Variants in SLC1A3 observed in about 807,000 individuals in gnomAD.
The protein encoded by SLC1A3 is solute carrier family 1 member 3.
SLC1A3 carries 21 observed loss-of-function variants against 48.1 expected under a neutral mutation model. The observed-to-expected ratio is 0.44, with a 90% CI of 0.31 to 0.63. The LOEUF is 0.63. Ranked by LOEUF, SLC1A3 falls within the 20% of genes least tolerant of loss-of-function variation. The pLI is 0.08. For synonymous variants in SLC1A3, 239 were observed against 251.4 expected (o/e 0.95, Z 0.47); for missense variants, 546 against 689.0 (o/e 0.79, Z 2.32).
At chr5:36,642,239 C>T (rs1343209613) in intron 3 of SLC1A3, among the ~76,000 whole-genome samples, 1 of 152,174 alleles carries the variant, frequency 6.6e-6, no homozygotes, top group Non-Finnish European at 1.5e-5. Flanking sequence ...GCTAAATAAA[C>T]ATCTGAACTG....
rs963083752 is a variant in SLC1A3 at position 36,638,915 on chromosome 5, C to T, written c.319+9328C>T. Reference sequence around the variant, plus strand: ...ACTCCTGACCTTGTGATCCACCCGTCTCGGCCTCCCAAAGTGCTGGGATTA... The same window carrying T: ...ACTCCTGACCTTGTGATCCACCCGTTTCGGCCTCCCAAAGTGCTGGGATTA... On this transcript the variant is annotated intron_variant, in intron 3 of 9. Coordinates refer to ENST00000265113, the MANE Select transcript of SLC1A3 (RefSeq NM_004172.5). 3.3e-5 allele frequency: 5 copies of T among 152,326 alleles called. 1 individual carries two copies. The highest frequency in any genetic ancestry group is 1.2e-4 in the African/African-American group (5 of 41,558). The allele number at this position is 152,326 out of a possible 1,614,324, so 9.4% of individuals were successfully genotyped here.
chr5:36,663,530 C>T (rs907994598), intron 3 of SLC1A3, among the ~76,000 whole-genome samples: 3 of 151,904 alleles, frequency 2.0e-5, no homozygotes, highest in Non-Finnish European at 4.4e-5. Flanking sequence ...CGTGAGCCAC[C>T]GCGCCCGGCC....
intron 3 of SLC1A3, among the ~76,000 whole-genome samples, chr5:36,645,442 C>CTA (rs1740804274): frequency 6.6e-6 from 1 of 150,678 alleles, no homozygotes; most frequent in Admixed American, 6.7e-5. Flanking sequence ...TTCTCTTCCC[C>CTA]AGCTGCCCAA....
At chr5:36,640,157 T>C (rs1740557517) in intron 3 of SLC1A3, among the ~76,000 whole-genome samples, 1 of 152,246 alleles carries the variant, frequency 6.6e-6, no homozygotes, top group South Asian at 2.1e-4. Flanking sequence ...CATTTCATGA[T>C]AAGCAGAAAG....
At chr5:36,674,783 G>C (rs1431605675) in intron 5 of SLC1A3, among the ~76,000 whole-genome samples, 1 of 152,100 alleles carries the variant, frequency 6.6e-6, no homozygotes, top group East Asian at 1.9e-4. Context: ...AATTCTATCT[G>C]CTTTCTGCTA....
At chr5:36,610,983 A>G (rs1224429081) in intron 2 of SLC1A3, among the ~76,000 whole-genome samples, 1 of 152,228 alleles carries the variant, frequency 6.6e-6, no homozygotes, top group Non-Finnish European at 1.5e-5. Flanking sequence ...AGGAGCAAAC[A>G]GATTTAGGAG....
chr5:36,620,732 T>A (rs1261026886), intron 2 of SLC1A3, among the ~76,000 whole-genome samples: 1 of 152,176 alleles, frequency 6.6e-6, no homozygotes, highest in African/African-American at 2.4e-5. Context: ...CCAAAAAAAG[T>A]TCTAACCTTG....
At chr5:36,623,621 T>C (rs1458748164) in intron 2 of SLC1A3, among the ~76,000 whole-genome samples, 1 of 150,708 alleles carries the variant, frequency 6.6e-6, no homozygotes, top group Non-Finnish European at 1.5e-5. Context: ...TTTGGGAGGC[T>C]GAGGTGGGTG....
chr5:36,668,613 G>T (rs1458378751), intron 3 of SLC1A3: 1 of 152,110 alleles, frequency 6.6e-6, no homozygotes, highest in Non-Finnish European at 1.5e-5. Flanking sequence ...TCTTTCAAAG[G>T]ATAAGGGCCA....
At chr5:36,607,286 T>A (rs535037537) in intron 1 of SLC1A3, 11 of 152,270 alleles carry the variant, frequency 7.2e-5, no homozygotes, top group African/African-American at 2.6e-4. Context: ...GCTGGCTGCT[T>A]GCGTTGGCAG....
intron 2 of SLC1A3, 65 bp downstream of exon 2, chr5:36,608,669 G>T: frequency 6.3e-7 from 1 of 1,599,834 alleles, no homozygotes; most frequent in Non-Finnish European, 8.5e-7. Context: ...TGGCTGCCCG[G>T]GGAATATTAT....
Position 36,597,233 on chromosome 5 carries a change from C to CTTTTTTTTTTTTT in SLC1A3, c.-96+574_-96+586dup, listed in dbSNP as rs70976237. On this transcript the variant is annotated intron_variant, in intron 1 of 9. Coordinates refer to the SLC1A3 transcript ENST00000680318. ...CACACCGAAAACTTCTTCTTCCTTTCTTTTTTTTTTTTTTTTTTTTTTTTT... is the reference window on the plus strand; with the variant it reads ...CACACCGAAAACTTCTTCTTCCTTTCTTTTTTTTTTTTTTTTTTTTTTTTTTTTTTTTTTTTTT... Among the ~76,000 whole-genome samples, 43 of 46,084 alleles carry CTTTTTTTTTTTTT rather than the reference C, an allele frequency of 9.3e-4. 12 individuals are homozygous for CTTTTTTTTTTTTT. The highest frequency in any genetic ancestry group is 2.6e-3 in the African/African-American group (27 of 10,458). The allele number at this position is 46,084 out of a possible 152,430, so 30.2% of individuals were successfully genotyped here. A position where few individuals can be genotyped will look rare whatever the true frequency, so the allele number is the denominator to read the frequency against.
At chr5:36,664,253 C>T (rs1252220013) in intron 3 of SLC1A3, among the ~76,000 whole-genome samples, 1 of 152,192 alleles carries the variant, frequency 6.6e-6, no homozygotes, top group Non-Finnish European at 1.5e-5. Context: ...CCTGCCTCAG[C>T]CTCCCAACTA....
At position 36,684,053 on chromosome 5, in the gene SLC1A3, C is replaced by T. The variant is rs1008637103; in HGVS notation, c.1424+55C>T. On this transcript the variant is annotated intron_variant, in intron 9 of 9. Transcript: ENST00000265113. ...ACTGTCACAGGGTCCCCCTCTGTCA[C>T]TCTAGGGCACCAGGCAGCCTGGCAC... The T allele has an allele frequency of 6.8e-6, 11 of 1,607,964 alleles. No individual in the cohort carries two copies. In the East Asian group the frequency reaches 2.5e-4, roughly 36 times the overall value.
intron 2 of SLC1A3, among the ~76,000 whole-genome samples, chr5:36,622,620 C>T (rs1467417791): frequency 6.6e-6 from 1 of 152,102 alleles, no homozygotes; most frequent in African/African-American, 2.4e-5. Context: ...GTGTGTTTGG[C>T]CTTAAAGAGT....
intron 3 of SLC1A3, chr5:36,636,224 A>G (rs1471139880): frequency 1.3e-5 from 2 of 152,230 alleles, no homozygotes; most frequent in Non-Finnish European, 2.9e-5. Flanking sequence ...GGATACCAAA[A>G]TGGAGAAGAC....
At chr5:36,621,229 G>A (rs938604959) in intron 2 of SLC1A3, among the ~76,000 whole-genome samples, 1 of 152,156 alleles carries the variant, frequency 6.6e-6, no homozygotes, top group Non-Finnish European at 1.5e-5. Context: ...AAGGAGGTAA[G>A]TGTTGTGGAT....
intron 3 of SLC1A3, among the ~76,000 whole-genome samples, chr5:36,637,951 A>G (rs774625100): frequency 3.3e-5 from 5 of 149,502 alleles, no homozygotes; most frequent in Non-Finnish European, 7.4e-5. Flanking sequence ...AGTTCTCTAG[A>G]TGATTCTATT....
Position 36,686,109 on chromosome 5 carries a change from G to T in SLC1A3, c.1469G>T (p.Gly490Val), listed in dbSNP as rs1192752005. 1 of 1,614,202 alleles carries T rather than the reference G, an allele frequency of 6.2e-7. No homozygotes were observed. The highest frequency in any genetic ancestry group is 1.1e-5 in the South Asian group (1 of 91,080). ...ACCAACGTACTGGGAGACTCCCTGG[G>T]AGCTGGGATTGTGGAGCACTTGTCA... ...TTTNVLGDSL[G>V]AGIVEHLSRH... Residue 490 changes from glycine to valine, a missense_variant, in exon 10 of 10, where the codon GGA becomes GTA. Transcript: ENST00000265113.
Sources: allele counts gnomAD v4.1 joint callset (sites outside exome capture counted in the v4.1 genomes callset), GRCh38; gene constraint gnomAD v4.1.1; transcripts MANE v1.5; gene names NCBI Gene and HGNC (gene_info 2026-07-23, HGNC 2026-07-21).